TTC21A: variants seen among roughly 807,000 people sequenced by gnomAD.
The protein encoded by TTC21A is tetratricopeptide repeat domain 21A.
In TTC21A, 128 loss-of-function variants were observed where a neutral mutation model predicts 156.4. The observed-to-expected ratio is 0.82, with a 90% CI of 0.71 to 0.95. The LOEUF (loss-of-function observed/expected upper bound fraction) is 0.95, where lower values mean the gene tolerates loss of function less well. Ranked by LOEUF, TTC21A falls within the 40% of genes least tolerant of loss-of-function variation. The pLI is 0.00. For missense variants in TTC21A, 1,435 were observed against 1,602.3 expected (o/e 0.90, Z 1.78); for synonymous variants, 587 against 617.1 (o/e 0.95, Z 0.72).
Position 39,109,142 on chromosome 3 carries a change from G to T in TTC21A, c.85G>T (p.Ala29Ser). Reference protein sequence around the residue: ...KYFHHVQQAAAVGLEKFSNDP... With the variant: ...KYFHHVQQAASVGLEKFSNDP... ...CTTCCACCATGTGCAGCAGGCTGCAGCTGTGGGCCTGGAAAAATTCAGCAA... is the reference window on the plus strand; with the variant it reads ...CTTCCACCATGTGCAGCAGGCTGCATCTGTGGGCCTGGAAAAATTCAGCAA... Residue 29 changes from alanine (A) to serine (S), a missense_variant, in exon 2 of 29, where the codon GCT becomes TCT. Transcript: ENST00000683103. The T allele has an allele frequency of 1.2e-6, 2 of 1,614,174 alleles. No individual in the cohort carries two copies. Among genetic ancestry groups the T allele is most frequent in the Non-Finnish European group, 8.5e-7 (1 of 1,179,994 alleles).
At chr3:39,119,809 T>C (rs964419132) in intron 7 of TTC21A, 113 bp from the exon 8 acceptor site, 2 of 722,738 alleles carry the variant, frequency 2.8e-6, no homozygotes, top group Admixed American at 4.7e-5. Flanking sequence ...TGCCTGGGCA[T>C]GGGCATTTTT....
Position 39,130,093 on chromosome 3 carries a change from A to G in TTC21A, c.2150A>G (p.His717Arg). ...CTTGCTTGCAGTGAGCTCTGTGAAC[A>G]TCTGCCTGGCCCCCACACCAGCCTG... is the stretch of plus-strand genomic sequence containing the variant. Reference protein sequence around the residue: ...YIRCYRELCEHLPGPHTSLLL... With the variant: ...YIRCYRELCERLPGPHTSLLL... Residue 717 changes from histidine (H) to arginine (R), a missense_variant, in exon 16 of 29, where the codon CAT becomes CGT. Transcript: ENST00000683103. This position sits in a 1 kb window ranked among gnomAD's most constrained non-coding sequence, Gnocchi z 4.5. 1.2e-6 allele frequency: 2 copies of G among 1,614,188 alleles called. No homozygotes were observed. Among genetic ancestry groups the G allele is most frequent in the South Asian group, 2.2e-5 (2 of 91,052 alleles).
rs1422061835 is a variant in TTC21A at position 39,136,989 on chromosome 3, G to A, written c.3186G>A (p.Val1062=). ...GCCAGAGCGCCATCTACCACATGGT[G>A]CAGATCTGTCTGAATCCAGACAACG... ...TWGQSAIYHM[V]QICLNPDNEV... is the part of the protein sequence containing the mutation. Residue 1062 remains valine, a synonymous_variant, in exon 24 of 29, where the codon GTG becomes GTA. Transcript: ENST00000683103. 4 of 1,614,174 alleles carry A rather than the reference G, an allele frequency of 2.5e-6. No homozygotes were observed. The highest frequency in any genetic ancestry group is 2.7e-5 in the African/African-American group (2 of 75,034).
chr3:39,136,775 G>C lies in TTC21A; in HGVS notation c.3096-124G>C, dbSNP rs1265675872. The stretch of plus-strand genomic sequence containing the variant: ...GGTCCGACGCCCGCATCTCCTCCAG[G>C]GGAGCTGGGAAACCAGAGATCCAGC... On this transcript the variant is annotated intron_variant, in intron 23 of 28. Transcript: ENST00000683103. 1.7e-5 allele frequency: 22 copies of C among 1,315,888 alleles called. No homozygotes were observed. In the East Asian group the frequency reaches 5.1e-4, roughly 31 times the overall value. 81.5% of individuals were successfully genotyped at this position (1,315,888 alleles called of 1,614,324 possible).
Position 39,125,466 on chromosome 3 carries a change from T to C in TTC21A, c.1326T>C (p.Phe442=), listed in dbSNP as rs1559694219. ...MQGIPLGSEY[F]EKLDPYFLVC... is the part of the protein sequence containing the mutation. ...GCATCCCTCTTGGCTCTGAGTACTT[T>C]GAAAAGCTGGACCCGTACTTCCTGG... is the stretch of plus-strand genomic sequence containing the variant. The change falls in exon 11 of 29, where the codon TTT becomes TTC. Residue 442 remains phenylalanine, a synonymous_variant. Coordinates refer to ENST00000683103, the MANE Select transcript of TTC21A (RefSeq NM_001366900.1). 6.2e-7 allele frequency: 1 copy of C among 1,614,158 alleles called. No individual in the cohort carries two copies. The highest frequency in any genetic ancestry group is 8.5e-7 in the Non-Finnish European group (1 of 1,179,992).
Position 39,110,909 on chromosome 3 carries a change from T to G in TTC21A, c.327T>G (p.Ser109Arg). ...TGAAGGAAATACGCAAGACAGTCAG[T>G]GGGACTGCACTGTACTATGCTGGCC... ...YSLKEIRKTVSGTALYYAGLF... is the reference protein window; with the variant it reads ...YSLKEIRKTVRGTALYYAGLF... Residue 109 changes from serine to arginine, a missense_variant, in exon 4 of 29, where the codon AGT (serine) becomes AGG (arginine). Transcript: ENST00000683103. 1 of 1,614,002 alleles carries G rather than the reference T, an allele frequency of 6.2e-7. No individual in the cohort carries two copies. The highest frequency in any genetic ancestry group is 8.5e-7 in the Non-Finnish European group (1 of 1,179,990).
chr3:39,126,416 G>C lies in TTC21A; in HGVS notation c.1522+26G>C, dbSNP rs376818289. On this transcript the variant is annotated intron_variant, in intron 12 of 28. Transcript: ENST00000683103. ...GTGAGCGGGGGATCCTGACAGCCGG[G>C]TGGGGCCTTGCAAACACCTGATGTA... The C allele has an allele frequency of 3.1e-6, 5 of 1,611,724 alleles. No individual in the cohort carries two copies. The African/African-American group carries it at 4.0e-5, about 13-fold the overall frequency.
At position 39,138,271 on chromosome 3, in the gene TTC21A, G is replaced by C; in HGVS notation, c.3680G>C (p.Cys1227Ser). 3.1e-6 allele frequency: 5 copies of C among 1,614,084 alleles called. No individual in the cohort carries two copies. The highest frequency in any genetic ancestry group is 4.2e-6 in the Non-Finnish European group (5 of 1,179,958). The stretch of plus-strand genomic sequence containing the variant: ...TCTAACTGGCTTTCCCTGCAGTCCT[G>C]CTACAAGGCCTATGAGTACATGGGC... The part of the protein sequence containing the change: ...LRRCVQYNKS[C>S]YKAYEYMGFI... The change falls in exon 27 of 29, where the codon TGC (cysteine) becomes TCC (serine). Residue 1227 changes from cysteine to serine, a missense_variant. Cys to Ser is a moderately radical substitution (Grantham distance 112, BLOSUM62 -1). Transcript: ENST00000683103.
intron 22 of TTC21A, 155 bp from the exon 23 acceptor site, chr3:39,136,202 C>T: frequency 1.5e-6 from 1 of 671,232 alleles, no homozygotes; most frequent in South Asian, 2.0e-5. Context: ...ATTCTTTACT[C>T]AACCCTGGAG....
At chr3:39,123,820 AATAAAAC>A (rs770902085) in intron 9 of TTC21A, among the ~76,000 whole-genome samples, 34 of 152,210 alleles carry the variant, frequency 2.2e-4, no homozygotes, top group Non-Finnish European at 4.6e-4. Context: ...ACAAAGGGTT[AATAAAAC>A]ATAAAGAGAA....
intron 9 of TTC21A, among the ~76,000 whole-genome samples, chr3:39,124,471 C>T (rs2038036546): frequency 6.6e-6 from 1 of 151,868 alleles, no homozygotes; most frequent in Admixed American, 6.6e-5. Flanking sequence ...ACCAGCCTGG[C>T]CAACATGGCA....
chr3:39,128,196 G>C (rs1180003189), intron 12 of TTC21A, 135 bp from the exon 13 acceptor site: 7 of 1,041,606 alleles, frequency 6.7e-6, no homozygotes, highest in Non-Finnish European at 8.5e-6. Flanking sequence ...GAGTGAAGCA[G>C]AACAAAACTG....
intron 11 of TTC21A, 43 bp from the exon 12 acceptor site, chr3:39,126,218 A>T (rs1229434601): frequency 6.2e-7 from 1 of 1,612,468 alleles, no homozygotes; most frequent in African/African-American, 1.3e-5. Context: ...CTCTCTTAGA[A>T]TAGGGCAAAC....
chr3:39,137,488 G>A lies in TTC21A; in HGVS notation c.3453G>A (p.Lys1151=), dbSNP rs754260269. Reference sequence around the variant, plus strand: ...TCCACTTCCTACCTGGTGTGTAGAAGGACAGCGTCCCTGCCCTGCTGGCCT... The same window carrying A: ...TCCACTTCCTACCTGGTGTGTAGAAAGACAGCGTCCCTGCCCTGCTGGCCT... ...GSFIQIAQAE[K]DSVPALLALA... Residue 1151 remains lysine (K), a splice_region_variant and synonymous_variant, in exon 26 of 29, where the codon AAG becomes AAA. Transcript: ENST00000683103. The A allele has an allele frequency of 5.6e-6, 9 of 1,614,170 alleles. No homozygotes were observed. Among genetic ancestry groups the A allele is most frequent in the Non-Finnish European group, 7.6e-6 (9 of 1,180,002 alleles).
At chr3:39,128,637 C>T (rs916818708) in intron 13 of TTC21A, 80 bp from the exon 14 acceptor site, 72 of 1,566,490 alleles carry the variant, frequency 4.6e-5, no homozygotes, top group Non-Finnish European at 6.3e-5. Flanking sequence ...GCTCCTGAGG[C>T]TTTCTCTGAC....
chr3:39,127,948 AGCT>A (rs2038403108), intron 12 of TTC21A, among the ~76,000 whole-genome samples: 2 of 152,208 alleles, frequency 1.3e-5, no homozygotes, highest in Non-Finnish European at 2.9e-5. Context: ...ATAGAGCAGG[AGCT>A]TCTTAAATTG....
chr3:39,110,088 C>G lies in TTC21A; in HGVS notation c.217C>G (p.Leu73Val). The change falls in exon 3 of 29, where the codon CTG (leucine) becomes GTG (valine). Residue 73 changes from leucine (L) to valine (V), a missense_variant. Physicochemically the swap from Leu to Val is conservative, Grantham distance 32. Coordinates refer to ENST00000683103, the MANE Select transcript of TTC21A (RefSeq NM_001366900.1). The stretch of plus-strand genomic sequence containing the variant: ...CATCAGGCATCACCCAGACGTGTCC[C>G]TGTGCTCCACCATGGCCCTCATTTA... ...ESIRHHPDVSLCSTMALIYAH... is the reference protein window; with the variant it reads ...ESIRHHPDVSVCSTMALIYAH... The G allele has an allele frequency of 1.2e-6, 2 of 1,614,178 alleles. No individual in the cohort carries two copies. The highest frequency in any genetic ancestry group is 1.7e-6 in the Non-Finnish European group (2 of 1,180,024).
chr3:39,108,996 T>C (rs1399536676), intron 1 of TTC21A, 89 bp from the exon 2 acceptor site: 1 of 1,424,890 alleles, frequency 7.0e-7, no homozygotes, highest in East Asian at 2.3e-5. Flanking sequence ...GAGCAGGGGA[T>C]AGGGAAGGGA....
At chr3:39,109,785 A>G (rs1490779822) in intron 2 of TTC21A, among the ~76,000 whole-genome samples, 1 of 152,214 alleles carries the variant, frequency 6.6e-6, no homozygotes, top group East Asian at 1.9e-4. Context: ...AGCCTCACAC[A>G]TATCCCCACA....
Sources: allele counts gnomAD v4.1 joint callset (sites outside exome capture counted in the v4.1 genomes callset), GRCh38; gene constraint gnomAD v4.1.1; non-coding constraint Gnocchi (gnomAD v3.1); transcripts MANE v1.5; gene names NCBI Gene and HGNC (gene_info 2026-07-23, HGNC 2026-07-21).